The following ERICH6B variants were observed in gnomAD, a reference collection of about 807,000 sequenced individuals.
ERICH6B encodes glutamate-rich protein 6B.
In ERICH6B, 69 loss-of-function variants were observed where a neutral mutation model predicts 80.0. That is an observed-to-expected ratio of 0.86 (90% CI 0.71 to 1.05). ERICH6B has a LOEUF of 1.05. Ranked by LOEUF, ERICH6B falls within the 50% of genes least tolerant of loss-of-function variation. The probability of loss-of-function intolerance (pLI) is 0.00; values close to 1 mark genes in which losing one functional copy is unlikely to be tolerated. For missense variants in ERICH6B, 754 were observed against 796.1 expected (o/e 0.95, Z 0.64); for synonymous variants, 283 against 291.9 (o/e 0.97, Z 0.31).
At chr13:45,601,880 C>T (rs762969719) in intron 2 of ERICH6B, among the ~76,000 whole-genome samples, 13 of 152,202 alleles carry the variant, frequency 8.5e-5, no homozygotes, top group Admixed American at 5.2e-4. Context: ...TTGAGAACAA[C>T]AGGACCTATC....
rs891125597 is a variant in ERICH6B at position 45,568,465 on chromosome 13, A to G, written c.1051-14T>C. 1.4e-6 allele frequency: 2 copies of G among 1,480,436 alleles called. No individual in the cohort carries two copies. The highest frequency in any genetic ancestry group is 2.7e-5 in the Admixed American group (1 of 37,276). The allele number at this position is 1,480,436 out of a possible 1,614,324, so 91.7% of individuals were successfully genotyped here. ...GCTGTTCAAAAACTACAAAAGGATC[A>G]AAGAATGAAATATTCAGAAAATGGA... is the stretch of plus-strand genomic sequence containing the variant. On this transcript the variant is annotated splice_polypyrimidine_tract_variant and intron_variant, in intron 8 of 14. Coordinates refer to ENST00000298738, the MANE Select transcript of ERICH6B (RefSeq NM_182542.3).
intron 2 of ERICH6B, among the ~76,000 whole-genome samples, chr13:45,606,503 G>GTGTATATA (rs1566307634): frequency 3.1e-5 from 1 of 32,780 alleles, no homozygotes; most frequent in Non-Finnish European, 4.9e-5. Flanking sequence ...AAAAGTGTAT[G>GTGTATATA]TGTATATATA....
At chr13:45,583,265 T>C (rs1438688761) in intron 5 of ERICH6B, among the ~76,000 whole-genome samples, 1 of 152,236 alleles carries the variant, frequency 6.6e-6, no homozygotes, top group Non-Finnish European at 1.5e-5. Context: ...CTAGCCTGTC[T>C]GTCTTGACTT....
intron 11 of ERICH6B, among the ~76,000 whole-genome samples, chr13:45,555,279 T>G (rs1272641806): frequency 1.3e-5 from 2 of 152,180 alleles, no homozygotes; most frequent in Non-Finnish European, 2.9e-5. Context: ...TCCAACGCCC[T>G]TACCATTGTC....
At chr13:45,588,194 G>A (rs1416111944) in intron 4 of ERICH6B, among the ~76,000 whole-genome samples, 3 of 152,200 alleles carry the variant, frequency 2.0e-5, no homozygotes, top group African/African-American at 7.2e-5. Flanking sequence ...AAGAGGTGAA[G>A]GGAGAGAGCA....
chr13:45,589,423 G>A (rs1305763538), intron 4 of ERICH6B, among the ~76,000 whole-genome samples: 1 of 152,202 alleles, frequency 6.6e-6, no homozygotes, highest in Non-Finnish European at 1.5e-5. Flanking sequence ...GCGGTTCGTG[G>A]GGTGCAGAAC....
At position 45,568,331 on chromosome 13, in the gene ERICH6B, A is replaced by G. The variant is rs1462868613; in HGVS notation, c.1171T>C (p.Trp391Arg). ...GTTACTTACATAATTACCAGTTTCCATCTGTTTTCACTTTCCAGTAGCTTA... is the reference window on the plus strand; with the variant it reads ...GTTACTTACATAATTACCAGTTTCCGTCTGTTTTCACTTTCCAGTAGCTTA... Reference protein sequence around the residue: ...LTKLLESENRWKLVIMLKKNY... With the variant: ...LTKLLESENRRKLVIMLKKNY... The change falls in exon 9 of 15, where the codon TGG becomes CGG. Residue 391 changes from tryptophan to arginine, a missense_variant. By Grantham distance (101) the Trp-to-Arg change is moderately radical (BLOSUM62 -3). Coordinates refer to ENST00000298738, the MANE Select transcript of ERICH6B (RefSeq NM_182542.3). 5 of 1,544,900 alleles carry G rather than the reference A, an allele frequency of 3.2e-6. No individual in the cohort carries two copies. The highest frequency in any genetic ancestry group is 2.8e-5 in the African/African-American group (2 of 72,642).
chr13:45,574,603 C>A (rs375310175), intron 8 of ERICH6B, among the ~76,000 whole-genome samples: 13 of 152,270 alleles, frequency 8.5e-5, no homozygotes, highest in African/African-American at 2.6e-4. Flanking sequence ...AGTTTTCTGT[C>A]TTGCCAGGTT....
chr13:45,608,973 G>A (rs761271972), intron 1 of ERICH6B, among the ~76,000 whole-genome samples: 5 of 152,080 alleles, frequency 3.3e-5, no homozygotes, highest in South Asian at 2.1e-4. Flanking sequence ...CCAAACCCAC[G>A]AATCAATCCG....
intron 1 of ERICH6B, among the ~76,000 whole-genome samples, chr13:45,608,272 CTGTT>C (rs900953028): frequency 7.2e-5 from 11 of 152,308 alleles, no homozygotes; most frequent in African/African-American, 2.6e-4. Flanking sequence ...GCCTCAGCCT[CTGTT>C]TGCTTGATGG....
intron 4 of ERICH6B, among the ~76,000 whole-genome samples, chr13:45,589,688 T>C (rs1465602758): frequency 6.6e-6 from 1 of 152,218 alleles, no homozygotes; most frequent in Non-Finnish European, 1.5e-5. Flanking sequence ...CAGTTCTCAA[T>C]ATCTTTAAGG....
chr13:45,547,789 A>G (rs1431563373), intron 13 of ERICH6B, among the ~76,000 whole-genome samples: 2 of 152,124 alleles, frequency 1.3e-5, no homozygotes, highest in African/African-American at 4.8e-5. Context: ...CTTTGCTGCT[A>G]TGTTTGGTGA....
intron 5 of ERICH6B, among the ~76,000 whole-genome samples, chr13:45,586,606 C>G (rs959055020): frequency 6.6e-6 from 1 of 152,066 alleles, no homozygotes; most frequent in Admixed American, 6.6e-5. Flanking sequence ...GCTTTGACCC[C>G]CACTGAGACT....
At chr13:45,552,473 C>T (rs2137964959) in intron 11 of ERICH6B, among the ~76,000 whole-genome samples, 1 of 151,374 alleles carries the variant, frequency 6.6e-6, no homozygotes, top group African/African-American at 2.4e-5. Context: ...GAAAAGGATG[C>T]TTCTTATGTT....
chr13:45,611,206 G>T (rs1242646886), intron 1 of ERICH6B, among the ~76,000 whole-genome samples: 1 of 152,092 alleles, frequency 6.6e-6, no homozygotes, highest in Non-Finnish European at 1.5e-5. Context: ...GAATCCCATT[G>T]TCCAGCCCGA....
At chr13:45,557,128 C>T (rs1874475085) in intron 11 of ERICH6B, among the ~76,000 whole-genome samples, 1 of 152,146 alleles carries the variant, frequency 6.6e-6, no homozygotes, top group Admixed American at 6.5e-5. Flanking sequence ...GATTATGGCC[C>T]ATTCTTGCAG....
At chr13:45,586,401 T>A (rs1438235672) in intron 5 of ERICH6B, among the ~76,000 whole-genome samples, 1 of 152,106 alleles carries the variant, frequency 6.6e-6, no homozygotes, top group African/African-American at 2.4e-5. Context: ...AAAGCTGGAT[T>A]TAAATAATTA....
chr13:45,552,595 T>C (rs1194052640), intron 11 of ERICH6B, among the ~76,000 whole-genome samples: 1 of 151,784 alleles, frequency 6.6e-6, no homozygotes, highest in Non-Finnish European at 1.5e-5. Context: ...ATTTTTATTT[T>C]GATTTTTTTT....
chr13:45,604,569 C>T (rs945531635), intron 2 of ERICH6B, among the ~76,000 whole-genome samples: 1 of 152,092 alleles, frequency 6.6e-6, no homozygotes, highest in African/African-American at 2.4e-5. Context: ...GAAGAGTTTA[C>T]AGTCTTCATT....
Sources: gnomAD v4.1 joint callset for allele counts (sites outside exome capture counted in the v4.1 genomes callset) on GRCh38, gnomAD v4.1.1 for gene constraint, MANE v1.5 for transcripts, NCBI Gene and HGNC (gene_info 2026-07-23, HGNC 2026-07-21) for gene names.